The following DEPDC4 variants were observed in gnomAD, a reference collection of about 807,000 sequenced individuals.
The protein encoded by DEPDC4 is DEP domain-containing protein 4.
Under a neutral mutation model 52.0 loss-of-function variants are expected in DEPDC4, and 52 were observed. The ratio of observed to expected loss-of-function variants is 1.00; its 90% CI spans 0.80 to 1.26. The LOEUF is 1.26. DEPDC4 is among the 50% of genes most tolerant of loss of function. The pLI is 0.00. For synonymous variants in DEPDC4, 201 were observed against 196.8 expected (o/e 1.02, Z -0.18); for missense variants, 530 against 546.9 (o/e 0.97, Z 0.31).
chr12:100,240,460 G>T lies in DEPDC4; in HGVS notation c.*1432C>A, dbSNP rs548383874. Reference sequence around the variant, plus strand: ...GGGACTACAGGCATGGGCCACCAAGGTTGGCCCATAAGAATTTTTCTGTGT... The same window carrying T: ...GGGACTACAGGCATGGGCCACCAAGTTTGGCCCATAAGAATTTTTCTGTGT... On this transcript the variant is annotated 3_prime_UTR_variant, in exon 10 of 10. Coordinates refer to ENST00000550587, the MANE Select transcript of DEPDC4 (RefSeq NM_001364818.2). 3.0e-4 allele frequency among the ~76,000 whole-genome samples: 46 copies of T among 152,288 alleles called. No homozygotes were observed. The highest frequency in any genetic ancestry group is 7.2e-4 in the African/African-American group (30 of 41,576).
chr12:100,239,493 A>G (rs985895648), downstream of DEPDC4, among the ~76,000 whole-genome samples: 1 of 152,080 alleles, frequency 6.6e-6, no homozygotes, highest in African/African-American at 2.4e-5. Flanking sequence ...CTCCCACTTC[A>G]GTCTCCTGAG....
chr12:100,248,508 A>T (rs1012134468), intron 8 of DEPDC4, among the ~76,000 whole-genome samples: 1 of 152,220 alleles, frequency 6.6e-6, no homozygotes, highest in African/African-American at 2.4e-5. Context: ...CTACTCCTCT[A>T]TAAAATTTGA....
In DEPDC4 at chr12:100,262,283, A is replaced by G. The variant is rs776596904; in HGVS notation, c.681T>C (p.Phe227=). ...AATTACCTTCTTTTGAAAGCCGGAG[A>G]AAAGGTTTCTGAACTGTGATATTTG... ...LCPNITVQKP[F]LRLSKEDVWK... Residue 227 remains phenylalanine, a synonymous_variant, in exon 3 of 10, where the codon TTT becomes TTC. Coordinates refer to ENST00000550587, the MANE Select transcript of DEPDC4 (RefSeq NM_001364818.2). The G allele has an allele frequency of 6.2e-7, 1 of 1,603,964 alleles. No individual in the cohort carries two copies. Among genetic ancestry groups the G allele is most frequent in the Admixed American group, 1.8e-5 (1 of 56,040 alleles).
At chr12:100,253,765 T>G in intron 4 of DEPDC4, 50 bp from the exon 5 acceptor site, 1 of 988,552 alleles carries the variant, frequency 1.0e-6, no homozygotes, top group African/African-American at 1.7e-5. Context: ...CATTTCCATT[T>G]AACTAAAGCA....
At chr12:100,260,948 A>G (rs2096251523) in intron 3 of DEPDC4, among the ~76,000 whole-genome samples, 1 of 152,120 alleles carries the variant, frequency 6.6e-6, no homozygotes, top group African/African-American at 2.4e-5. Flanking sequence ...TGGGAGGCCA[A>G]GGTGGGTGGA....
At chr12:100,245,483 T>C (rs985485518) in intron 8 of DEPDC4, among the ~76,000 whole-genome samples, 3 of 152,162 alleles carry the variant, frequency 2.0e-5, no homozygotes, top group African/African-American at 4.8e-5. Context: ...CCTAGGCTGG[T>C]CTCAAACTCC....
downstream of DEPDC4, among the ~76,000 whole-genome samples, chr12:100,238,432 T>G (rs2096146050): frequency 6.9e-6 from 1 of 145,596 alleles, no homozygotes. Context: ...AGTGCTGGGA[T>G]TACAGGTGTG....
chr12:100,233,977 T>C (rs964666838), intron 9 of DEPDC4, among the ~76,000 whole-genome samples: 5 of 152,138 alleles, frequency 3.3e-5, no homozygotes, highest in African/African-American at 7.2e-5. Context: ...CTTGGTGGCA[T>C]GTGCCTGTAG....
At chr12:100,262,744 T>C (rs920412523) in intron 2 of DEPDC4, among the ~76,000 whole-genome samples, 1 of 152,198 alleles carries the variant, frequency 6.6e-6, no homozygotes, top group East Asian at 1.9e-4. Flanking sequence ...AGCATATCCA[T>C]TCCTTAGAAG....
the DEPDC4 span, among the ~76,000 whole-genome samples, chr12:100,278,630 C>CT: frequency 8.7e-3 from 1,050 of 120,480 alleles, 12 homozygotes; most frequent in Middle Eastern, 0.029. Context: ...TGGGGAAATT[C>CT]TTTTTTTTTT....
intron 3 of DEPDC4, among the ~76,000 whole-genome samples, chr12:100,260,968 G>A (rs998837942): frequency 6.6e-6 from 1 of 152,022 alleles, no homozygotes; most frequent in Non-Finnish European, 1.5e-5. Context: ...ATCACTTGAG[G>A]TCAGGAGTTC....
intron 1 of DEPDC4, among the ~76,000 whole-genome samples, chr12:100,265,877 G>A (rs557884094): frequency 1.4e-4 from 22 of 152,294 alleles, no homozygotes; most frequent in Non-Finnish European, 2.5e-4. Context: ...TAACCTTGGG[G>A]AAGAAGGATT....
At chr12:100,249,551 G>A (rs2096199541) in intron 7 of DEPDC4, among the ~76,000 whole-genome samples, 1 of 152,180 alleles carries the variant, frequency 6.6e-6, no homozygotes, top group Non-Finnish European at 1.5e-5. Context: ...TTATACCAAA[G>A]GTAATCCCAG....
At chr12:100,232,774 T>G (rs954005492) in intron 9 of DEPDC4, among the ~76,000 whole-genome samples, 2 of 152,028 alleles carry the variant, frequency 1.3e-5, no homozygotes, top group Non-Finnish European at 2.9e-5. Flanking sequence ...TCCCAGCTAC[T>G]TGGGAGTCTG....
Position 100,241,689 on chromosome 12 carries a change from T to C in DEPDC4, c.*203A>G, listed in dbSNP as rs1388459531. On this transcript the variant is annotated 3_prime_UTR_variant, in exon 10 of 10. Transcript: ENST00000550587. ...GAAATGTTAATTCAAAGCTTCTGGA[T>C]GGTGTTTTTGAAATTCCTTAATTAA... 2 of 1,251,534 alleles carry C rather than the reference T, an allele frequency of 1.6e-6. No homozygotes were observed. The highest frequency in any genetic ancestry group is 5.6e-5 in the Admixed American group (2 of 35,938). 77.5% of individuals were successfully genotyped at this position (1,251,534 alleles called of 1,614,324 possible). A position where few individuals can be genotyped will look rare whatever the true frequency, so the allele number is the denominator to read the frequency against.
downstream of DEPDC4, chr12:100,238,022 G>C: frequency 1.0e-6 from 1 of 975,476 alleles, no homozygotes; most frequent in Non-Finnish European, 1.2e-6. Flanking sequence ...GACTTCTATC[G>C]AAGAGGGCTT....
At chr12:100,261,180 CA>C (rs536040088) in intron 3 of DEPDC4, among the ~76,000 whole-genome samples, 1,216 of 68,500 alleles carry the variant, frequency 0.018, 11 homozygotes, top group South Asian at 0.062. Flanking sequence ...GACTCCGTCT[CA>C]AAAAAAAAAA....
chr12:100,263,024 C>T (rs1014843992), intron 2 of DEPDC4, among the ~76,000 whole-genome samples: 1 of 152,164 alleles, frequency 6.6e-6, no homozygotes. Flanking sequence ...GTGGCACAAT[C>T]TTGGCTAACT....
rs1372612082 is a variant in DEPDC4, at chr12:100,253,538, T to C, written c.1056A>G (p.Leu352=). Residue 352 remains leucine, a synonymous_variant, in exon 5 of 10, where the codon CTA becomes CTG. Transcript: ENST00000550587. The stretch of plus-strand genomic sequence containing the variant: ...GAATATCAAAATACTCATCAGTTAA[T>C]AGGCAATCTCTCTCTTGAGCATAGT... ...AKYYAQERDC[L]LTDEYFDIHS... The C allele has an allele frequency of 4.7e-6, 6 of 1,287,984 alleles. No individual in the cohort carries two copies. The highest frequency in any genetic ancestry group is 6.1e-6 in the Non-Finnish European group (6 of 987,998). The allele number at this position is 1,287,984 out of a possible 1,614,324, so 79.8% of individuals were successfully genotyped here.
Sources: allele counts gnomAD v4.1 joint callset (sites outside exome capture counted in the v4.1 genomes callset), GRCh38; gene constraint gnomAD v4.1.1; transcripts MANE v1.5; gene names NCBI Gene and HGNC (gene_info 2026-07-23, HGNC 2026-07-21).